PHIP: variants seen among roughly 807,000 people sequenced by gnomAD.
PHIP encodes the protein PHIP subunit of CUL4-Ring ligase complex.
PHIP carries 54 observed loss-of-function variants against 236.8 expected under a neutral mutation model. The ratio of observed to expected loss-of-function variants is 0.23; its 90% CI spans 0.18 to 0.29. The LOEUF (loss-of-function observed/expected upper bound fraction) is 0.29. Ranked by LOEUF, PHIP falls within the 10% of genes least tolerant of loss-of-function variation. PHIP has a pLI of 1.00. For missense variants in PHIP, 1,370 were observed against 2,190.8 expected, an observed-to-expected ratio of 0.63 and a Z score of 7.48; for synonymous variants, 756 against 718.9, an observed-to-expected ratio of 1.05 and a Z score of -0.83.
chr6:78,995,491 C>A (rs1415399504), intron 19 of PHIP, among the ~76,000 whole-genome samples: 1 of 152,196 alleles, frequency 6.6e-6, no homozygotes, highest in Non-Finnish European at 1.5e-5. Context: ...ACTAGCAATG[C>A]ATGAGTAATT....
intron 24 of PHIP, among the ~76,000 whole-genome samples, chr6:78,977,949 T>G (rs1447865169): frequency 6.6e-6 from 1 of 152,164 alleles, no homozygotes; most frequent in Non-Finnish European, 1.5e-5. Flanking sequence ...ATTCCCAATT[T>G]ATTTATGGTC....
rs368853985 is a variant in PHIP, at chr6:78,997,646, A to G, written c.2018-49T>C. 4.0e-4 allele frequency: 563 copies of G among 1,408,238 alleles called. 1 individual carries two copies. Among genetic ancestry groups the G allele is most frequent in the Middle Eastern group, 1.0e-3 (5 of 4,780 alleles). The allele number at this position is 1,408,238 out of a possible 1,614,324, so 87.2% of individuals were successfully genotyped here. ...AAGTTCTACTTAGAGATATTTCTCC[A>G]TTAGTTTATAACAGAAAAAAGAGAT... On this transcript the variant is annotated intron_variant, in intron 18 of 39. Transcript: ENST00000275034.
At chr6:78,987,811 T>C (rs1768961443) in intron 21 of PHIP, among the ~76,000 whole-genome samples, 1 of 152,128 alleles carries the variant, frequency 6.6e-6, no homozygotes, top group Non-Finnish European at 1.5e-5. Flanking sequence ...CTAACAAAAA[T>C]TGTCAAATAC....
chr6:78,956,507 T>A (rs1766426923), intron 32 of PHIP: 1 of 152,100 alleles, frequency 6.6e-6, no homozygotes, highest in South Asian at 2.1e-4. Context: ...AACATGTTAT[T>A]CTCATGTTAA....
rs1773371283 is a variant in PHIP at position 78,939,033 on chromosome 6, AC to A, written c.*1659del. ...AATGTAGTATCTGAAAATTTTGATTACATTTTTGTACCATACCAGTCCTCAG... is the reference window on the plus strand; with the variant it reads ...AATGTAGTATCTGAAAATTTTGATTAATTTTTGTACCATACCAGTCCTCAG... On this transcript the variant is annotated 3_prime_UTR_variant, in exon 40 of 40. Transcript: ENST00000275034. 6.6e-6 allele frequency: 1 copy of A among 151,752 alleles called. No homozygotes were observed. Among genetic ancestry groups the A allele is most frequent in the South Asian group, 2.1e-4 (1 of 4,832 alleles). 9.4% of individuals were successfully genotyped at this position (151,752 alleles called of 1,614,324 possible).
Position 78,936,489 on chromosome 6 carries a change from C to T in PHIP, c.*4204G>A, listed in dbSNP as rs1471599966. 1 of 151,726 alleles carries T rather than the reference C, an allele frequency of 6.6e-6. No homozygotes were observed. The highest frequency in any genetic ancestry group is 1.5e-5 in the Non-Finnish European group (1 of 67,728). 9.4% of individuals were successfully genotyped at this position (151,726 alleles called of 1,614,324 possible). ...AAAGTAACCAGCATGTGTGCATCTG[C>T]CTTATATGCATGTACTATATTCCAT... On this transcript the variant is annotated 3_prime_UTR_variant, in exon 40 of 40. Transcript: ENST00000275034.
chr6:78,955,815 T>C (rs766078333), intron 32 of PHIP, 133 bp from the exon 33 acceptor site: 2 of 466,656 alleles, frequency 4.3e-6, no homozygotes, highest in South Asian at 3.7e-5. Context: ...ATTGGCTTAC[T>C]CCAATAATTT....
chr6:79,035,238 G>A (rs1771870201), intron 7 of PHIP, among the ~76,000 whole-genome samples: 1 of 152,084 alleles, frequency 6.6e-6, no homozygotes. Flanking sequence ...CCAGCATGAG[G>A]AGACAGATTT....
chr6:79,003,178 G>A (rs1770097578), intron 16 of PHIP, among the ~76,000 whole-genome samples: 1 of 151,984 alleles, frequency 6.6e-6, no homozygotes, highest in Non-Finnish European at 1.5e-5. Context: ...GCTGAAATGA[G>A]AGGATTGTTT....
At chr6:78,963,027 GAAT>G (rs1197870794) in intron 30 of PHIP, 67 bp downstream of exon 30, 1 of 1,411,200 alleles carries the variant, frequency 7.1e-7, no homozygotes, top group Non-Finnish European at 9.5e-7. Context: ...TTTTGTTGGA[GAAT>G]AACAGTATTT....
chr6:78,979,198 T>C (rs1424277333), intron 23 of PHIP, among the ~76,000 whole-genome samples: 1 of 152,054 alleles, frequency 6.6e-6, no homozygotes, highest in Non-Finnish European at 1.5e-5. Context: ...AAAACACTTA[T>C]TCTAGAAAAA....
At chr6:79,041,323 A>C (rs1772200482) in intron 7 of PHIP, among the ~76,000 whole-genome samples, 1 of 152,074 alleles carries the variant, frequency 6.6e-6, no homozygotes, top group African/African-American at 2.4e-5. Flanking sequence ...AGATAGCAAA[A>C]AGCACACTAT....
intron 16 of PHIP, among the ~76,000 whole-genome samples, chr6:79,002,880 TC>T (rs973705499): frequency 3.3e-5 from 5 of 152,124 alleles, no homozygotes; most frequent in Non-Finnish European, 7.4e-5. Context: ...CATAAGATTT[TC>T]TAAGGGTTAA....
intron 4 of PHIP, among the ~76,000 whole-genome samples, chr6:79,073,908 C>G (rs987285442): frequency 2.0e-5 from 3 of 152,090 alleles, no homozygotes; most frequent in Non-Finnish European, 4.4e-5. Context: ...AAACTAAGCT[C>G]TAAGAATGAA....
At chr6:79,044,903 A>G (rs1300186096) in intron 6 of PHIP, among the ~76,000 whole-genome samples, 2 of 152,178 alleles carry the variant, frequency 1.3e-5, no homozygotes, top group Non-Finnish European at 2.9e-5. Context: ...CACAGGTTTT[A>G]CTGAATCTTT....
intron 4 of PHIP, among the ~76,000 whole-genome samples, chr6:79,066,596 G>A (rs1346263813): frequency 6.6e-6 from 1 of 152,064 alleles, no homozygotes; most frequent in Non-Finnish European, 1.5e-5. Flanking sequence ...ACATTAAACT[G>A]AGCCAGAAAA....
intron 6 of PHIP, among the ~76,000 whole-genome samples, chr6:79,052,517 GGA>G (rs1772845345): frequency 6.6e-6 from 1 of 152,080 alleles, no homozygotes; most frequent in African/African-American, 2.4e-5. Flanking sequence ...AGAAAAGAAT[GGA>G]GTAATATACA....
intron 7 of PHIP, among the ~76,000 whole-genome samples, chr6:79,034,558 T>C: frequency 6.6e-6 from 1 of 152,228 alleles, no homozygotes; most frequent in Middle Eastern, 3.4e-3. Context: ...TTTCCAGAGG[T>C]TAAGCTTCAA....
chr6:79,033,125 T>C (rs1771753324), intron 7 of PHIP, among the ~76,000 whole-genome samples: 1 of 152,090 alleles, frequency 6.6e-6, no homozygotes, highest in Non-Finnish European at 1.5e-5. Flanking sequence ...AACCACGCTA[T>C]AAAAAGATAT....
Sources: gnomAD v4.1 joint callset for allele counts (sites outside exome capture counted in the v4.1 genomes callset) on GRCh38, gnomAD v4.1.1 for gene constraint, MANE v1.5 for transcripts, NCBI Gene and HGNC (gene_info 2026-07-23, HGNC 2026-07-21) for gene names.